Variants in KIAA0825 observed in about 807,000 individuals in gnomAD.
KIAA0825 encodes KIAA0825.
KIAA0825 carries 119 observed loss-of-function variants against 147.6 expected under a neutral mutation model. That is an observed-to-expected ratio of 0.81 (90% CI 0.69 to 0.94). The LOEUF (loss-of-function observed/expected upper bound fraction) is 0.94, where lower values mean the gene tolerates loss of function less well. KIAA0825 is among the 40% of genes least tolerant of loss of function. The probability of loss-of-function intolerance (pLI) is 0.00; values close to 1 mark genes in which losing one functional copy is unlikely to be tolerated. For missense variants in KIAA0825, 1,381 were observed against 1,472.7 expected (o/e 0.94, Z 1.02); for synonymous variants, 470 against 518.1 (o/e 0.91, Z 1.26).
intron 5 of KIAA0825, among the ~76,000 whole-genome samples, chr5:94,517,961 C>G (rs1039074144): frequency 2.0e-5 from 3 of 151,970 alleles, no homozygotes; most frequent in Admixed American, 6.6e-5. Context: ...TCTTAGTTTC[C>G]TCACTGTAAA....
rs186303695 is a variant in KIAA0825 at position 94,244,692 on chromosome 5, A to G, written c.3711-90568T>C. 3.7e-3 allele frequency among the ~76,000 whole-genome samples: 558 copies of G among 152,200 alleles called. 3 individuals are homozygous for G. The highest frequency in any genetic ancestry group is 6.8e-3 in the Middle Eastern group (2 of 294). ...TTTGTTCAGGTATAAAAATATCAATACCTAGCTCACAGAGCAGACATGTGG... is the reference window on the plus strand; with the variant it reads ...TTTGTTCAGGTATAAAAATATCAATGCCTAGCTCACAGAGCAGACATGTGG... On this transcript the variant is annotated intron_variant, in intron 20 of 20. Coordinates refer to ENST00000682413, the MANE Select transcript of KIAA0825 (RefSeq NM_001145678.3).
At chr5:94,181,881 A>G (rs1176832704) in intron 20 of KIAA0825, among the ~76,000 whole-genome samples, 1 of 152,182 alleles carries the variant, frequency 6.6e-6, no homozygotes, top group African/African-American at 2.4e-5. Flanking sequence ...TTATGTCTTC[A>G]GGTTAGGTTT....
rs540112403 is a variant in KIAA0825, at chr5:94,152,614, C to T, written c.*1393G>A. Among the ~76,000 whole-genome samples, 2 of 150,308 alleles carry T rather than the reference C, an allele frequency of 1.3e-5. No individual in the cohort carries two copies. Among genetic ancestry groups the T allele is most frequent in the African/African-American group, 2.4e-5 (1 of 40,818 alleles). ...ATCACTTGAGACAAGGAGTTCAAGT[C>T]CAGCCTGGGCAACATAGTGAGACCT... On this transcript the variant is annotated 3_prime_UTR_variant, in exon 21 of 21. Transcript: ENST00000682413.
chr5:94,556,118 T>C (rs112101605), intron 2 of KIAA0825, among the ~76,000 whole-genome samples: 11,457 of 151,948 alleles, frequency 0.075, 473 homozygotes, highest in South Asian at 0.11. Flanking sequence ...AGTGGTGCGA[T>C]CTCAGCTCAC....
At chr5:94,162,912 A>G (rs1767708345) in intron 20 of KIAA0825, among the ~76,000 whole-genome samples, 1 of 152,242 alleles carries the variant, frequency 6.6e-6, no homozygotes, top group Non-Finnish European at 1.5e-5. Flanking sequence ...TGAAGAAATA[A>G]TAACTTTTCA....
chr5:94,354,646 T>C (rs1784051990), intron 20 of KIAA0825, among the ~76,000 whole-genome samples: 1 of 152,258 alleles, frequency 6.6e-6, no homozygotes, highest in South Asian at 2.1e-4. Flanking sequence ...AAACATTTAA[T>C]TCAGGTAATA....
chr5:94,608,879 C>T (rs1421003502), intron 1 of KIAA0825, among the ~76,000 whole-genome samples: 1 of 151,882 alleles, frequency 6.6e-6, no homozygotes, highest in Non-Finnish European at 1.5e-5. Flanking sequence ...GAATTTTTAA[C>T]GTTGTATAAT....
intron 20 of KIAA0825, among the ~76,000 whole-genome samples, chr5:94,270,890 A>T (rs1412548155): frequency 6.6e-6 from 1 of 152,202 alleles, no homozygotes; most frequent in African/African-American, 2.4e-5. Flanking sequence ...TGGGTTGACA[A>T]GATATTAAGT....
chr5:94,422,518 C>CT (rs1562482079), intron 14 of KIAA0825, among the ~76,000 whole-genome samples: 2 of 152,106 alleles, frequency 1.3e-5, no homozygotes, highest in Admixed American at 6.6e-5. Context: ...CATTAGTATG[C>CT]TTTTTTCTAG....
At chr5:94,516,408 A>G (rs919871532) in intron 5 of KIAA0825, among the ~76,000 whole-genome samples, 7 of 152,364 alleles carry the variant, frequency 4.6e-5, no homozygotes, top group African/African-American at 2.4e-5. Flanking sequence ...GTCTGAGTTA[A>G]TAACACTAGC....
chr5:94,604,423 G>A lies in KIAA0825; in HGVS notation c.-153+14077C>T, dbSNP rs1585020377. ...AAAATATGAAAATTAGCTGGGCATG[G>A]TGATGGGCACCTTTAATCCTGGCCA... On this transcript the variant is annotated intron_variant, in intron 1 of 20. Transcript: ENST00000682413. Among the ~76,000 whole-genome samples, 6 of 152,168 alleles carry A rather than the reference G, an allele frequency of 3.9e-5. No individual in the cohort carries two copies. In the South Asian group the frequency reaches 1.2e-3, roughly 31 times the overall value.
intron 20 of KIAA0825, among the ~76,000 whole-genome samples, chr5:94,167,207 T>C (rs1768130023): frequency 6.6e-6 from 1 of 152,186 alleles, no homozygotes; most frequent in Non-Finnish European, 1.5e-5. Flanking sequence ...GCCTAATGTT[T>C]TAAAACCCAT....
intron 6 of KIAA0825, among the ~76,000 whole-genome samples, chr5:94,482,782 G>C (rs1762632098): frequency 6.6e-6 from 1 of 151,968 alleles, no homozygotes; most frequent in Non-Finnish European, 1.5e-5. Flanking sequence ...TTTCAACAAA[G>C]AAGACTACAT....
chr5:94,435,932 A>C (rs1375154274), intron 14 of KIAA0825, among the ~76,000 whole-genome samples: 8 of 152,040 alleles, frequency 5.3e-5, no homozygotes, highest in Admixed American at 4.6e-4. Context: ...TCTTTTGAGA[A>C]GTGTCTGTTC....
At chr5:94,357,318 CAGG>C (rs1234355299) in intron 20 of KIAA0825, among the ~76,000 whole-genome samples, 3 of 151,546 alleles carry the variant, frequency 2.0e-5, no homozygotes, top group African/African-American at 7.3e-5. Context: ...TCATGTAGTG[CAGG>C]AGAAAAGGTT....
intron 20 of KIAA0825, among the ~76,000 whole-genome samples, chr5:94,227,593 A>T (rs896403977): frequency 2.8e-4 from 41 of 148,884 alleles, no homozygotes; most frequent in African/African-American, 9.3e-4. Flanking sequence ...CAGGAAAATT[A>T]AAAAAAAAAG....
chr5:94,444,589 C>T (rs771042702), intron 13 of KIAA0825, among the ~76,000 whole-genome samples: 6 of 151,712 alleles, frequency 4.0e-5, no homozygotes, highest in Non-Finnish European at 5.9e-5. Flanking sequence ...TAACATAAAT[C>T]GGCAGAGATG....
intron 20 of KIAA0825, among the ~76,000 whole-genome samples, chr5:94,252,688 A>T (rs1776025905): frequency 6.6e-6 from 1 of 152,050 alleles, no homozygotes; most frequent in Non-Finnish European, 1.5e-5. Flanking sequence ...GGAACCATTT[A>T]CAGGGAACCT....
chr5:94,581,087 A>T (rs1021431635), intron 2 of KIAA0825, among the ~76,000 whole-genome samples: 26 of 152,148 alleles, frequency 1.7e-4, no homozygotes, highest in African/African-American at 6.3e-4. Flanking sequence ...TCAAATAAGC[A>T]TTCACAAAAT....
Sources: allele counts gnomAD v4.1 joint callset (sites outside exome capture counted in the v4.1 genomes callset), GRCh38; gene constraint gnomAD v4.1.1; transcripts MANE v1.5; gene names NCBI Gene and HGNC (gene_info 2026-07-23, HGNC 2026-07-21).